The following SYNE3 variants were observed in gnomAD, a reference collection of about 807,000 sequenced individuals.
SYNE3 encodes nesprin-3.
SYNE3 carries 100 observed loss-of-function variants against 111.2 expected under a neutral mutation model. That is an observed-to-expected ratio of 0.90 (90% CI 0.77 to 1.06). The LOEUF (loss-of-function observed/expected upper bound fraction) is 1.06, where lower values mean the gene tolerates loss of function less well. Among genes scored for constraint, SYNE3 ranks in the 50% least tolerant of loss-of-function variants. The pLI is 0.00. For missense variants in SYNE3, 1,160 were observed against 1,240.3 expected, an observed-to-expected ratio of 0.94 and a Z score of 0.97; for synonymous variants, 547 against 533.9, an observed-to-expected ratio of 1.02 and a Z score of -0.34.
rs568141399 is a variant in SYNE3, at chr14:95,441,330, T to C, written c.1912-1255A>G. ...CTTCTCTGAGTTGTCCCTACCACTGTCCCCTCCTGGTCCCTGTGTGCCAAC... is the reference window on the plus strand; with the variant it reads ...CTTCTCTGAGTTGTCCCTACCACTGCCCCCTCCTGGTCCCTGTGTGCCAAC... On this transcript the variant is annotated intron_variant, in intron 11 of 17. Transcript: ENST00000682763. Among the ~76,000 whole-genome samples the C allele has an allele frequency of 4.0e-5, 6 of 151,772 alleles. No individual in the cohort carries two copies. In the South Asian group the frequency reaches 1.2e-3, roughly 31 times the overall value.
chr14:95,454,185 A>AG (rs1471854893), intron 6 of SYNE3, among the ~76,000 whole-genome samples: 1 of 152,238 alleles, frequency 6.6e-6, no homozygotes, highest in Non-Finnish European at 1.5e-5. Context: ...TTGCAGTCCC[A>AG]GGGGGGATGG....
intron 1 of SYNE3, among the ~76,000 whole-genome samples, chr14:95,486,361 C>T (rs73343123): frequency 0.042 from 6,337 of 152,098 alleles, 174 homozygotes; most frequent in East Asian, 0.099. Flanking sequence ...TCCCCCAGGC[C>T]ACCCCCCACC....
intron 8 of SYNE3, 31 bp from the exon 9 acceptor site, chr14:95,446,122 G>C: frequency 6.2e-7 from 1 of 1,610,940 alleles, no homozygotes; most frequent in Non-Finnish European, 8.5e-7. Context: ...GTGAACCACA[G>C]ACCGGGCAGG....
intron 3 of SYNE3, among the ~76,000 whole-genome samples, chr14:95,466,800 G>C (rs1194565383): frequency 6.6e-6 from 1 of 152,200 alleles, no homozygotes; most frequent in East Asian, 1.9e-4. Context: ...TGTCTCCCTG[G>C]GGGCTGGTGG....
intron 1 of SYNE3, among the ~76,000 whole-genome samples, chr14:95,479,662 G>A (rs907668201): frequency 6.6e-6 from 1 of 152,214 alleles, no homozygotes. Context: ...AGTGCAGTGG[G>A]GGTGGAGGGC....
At chr14:95,432,276 C>A (rs116482933) in intron 16 of SYNE3, among the ~76,000 whole-genome samples, 159 bp from the exon 17 acceptor site, 2 of 152,220 alleles carry the variant, frequency 1.3e-5, no homozygotes, top group African/African-American at 4.8e-5. Flanking sequence ...GCAGATGATT[C>A]GATTTAATGA....
chr14:95,444,505 C>T lies in SYNE3; in HGVS notation c.1756G>A (p.Ala586Thr), dbSNP rs755662883. The change falls in exon 10 of 18, where the codon GCC becomes ACC. Residue 586 changes from alanine (A) to threonine (T), a missense_variant. By Grantham distance (58) the Ala-to-Thr change is moderately conservative. Coordinates refer to ENST00000682763, the MANE Select transcript of SYNE3 (RefSeq NM_152592.6). ...CTCACCTGCAACCTTGAGAGCTGGG[C>T]CTGTTTTCCAGGAAGGTCCCGCTGA... ...GLQRDLPGKQ[A>T]QLSRLQGLQE... The T allele has an allele frequency of 9.9e-6, 16 of 1,612,164 alleles. No homozygotes were observed. The African/African-American group carries it at 1.7e-4, about 17-fold the overall frequency.
At chr14:95,437,156 G>A (rs1886133515) in intron 14 of SYNE3, among the ~76,000 whole-genome samples, 175 bp from the exon 15 acceptor site, 1 of 152,150 alleles carries the variant, frequency 6.6e-6, no homozygotes, top group Non-Finnish European at 1.5e-5. Context: ...CACATTTAAG[G>A]GCCAAGAACA....
chr14:95,491,497 G>T (rs1420777549), intron 1 of SYNE3, among the ~76,000 whole-genome samples: 2 of 152,060 alleles, frequency 1.3e-5, no homozygotes. Context: ...TTTCAACAGT[G>T]GTGATGGGAC....
In SYNE3 at chr14:95,417,536, A is replaced by G. The variant is rs759890798; in HGVS notation, c.*290T>C. ...ATTGCTAGGAATTTTCCCAACTCCA[A>G]ATAGAACTCGTATATGAAATTATAC... On this transcript the variant is annotated 3_prime_UTR_variant, in exon 18 of 18. Transcript: ENST00000682763. 20 of 426,518 alleles carry G rather than the reference A, an allele frequency of 4.7e-5. No homozygotes were observed. The highest frequency in any genetic ancestry group is 8.2e-5 in the Non-Finnish European group (19 of 232,250). The allele number at this position is 426,518 out of a possible 1,614,324, so 26.4% of individuals were successfully genotyped here. A position where few individuals can be genotyped will look rare whatever the true frequency, so the allele number is the denominator to read the frequency against.
rs972479074 is a variant in SYNE3 at position 95,495,854 on chromosome 14, C to T, written c.-14-20019G>A. 7.2e-5 allele frequency among the ~76,000 whole-genome samples: 11 copies of T among 152,318 alleles called. 1 individual carries two copies. Among genetic ancestry groups the T allele is most frequent in the South Asian group, 4.1e-4 (2 of 4,828 alleles). ...CAGTGGCTCATGCTGGACTGTCCCCCGTGAACAGTCCTAAGCCTGGGACAA... is the reference window on the plus strand; with the variant it reads ...CAGTGGCTCATGCTGGACTGTCCCCTGTGAACAGTCCTAAGCCTGGGACAA... On this transcript the variant is annotated intron_variant, in intron 1 of 17. Coordinates refer to ENST00000682763, the MANE Select transcript of SYNE3 (RefSeq NM_152592.6).
chr14:95,493,204 A>T (rs1443657747), intron 1 of SYNE3, among the ~76,000 whole-genome samples: 1 of 152,134 alleles, frequency 6.6e-6, no homozygotes, highest in Non-Finnish European at 1.5e-5. Context: ...GCTGCTTGAG[A>T]CCTTTTTTTC....
At chr14:95,494,107 C>G (rs1566686802) in intron 1 of SYNE3, among the ~76,000 whole-genome samples, 1 of 150,800 alleles carries the variant, frequency 6.6e-6, no homozygotes, top group South Asian at 2.1e-4. Context: ...TTGAAGCCAG[C>G]CTGGGCAACA....
chr14:95,420,295 A>G (rs956889732), intron 17 of SYNE3, among the ~76,000 whole-genome samples: 1 of 152,098 alleles, frequency 6.6e-6, no homozygotes, highest in African/African-American at 2.4e-5. Flanking sequence ...GTGGGGCCAA[A>G]TCTCTGACCC....
chr14:95,425,301 C>A (rs1433011732), intron 17 of SYNE3, among the ~76,000 whole-genome samples: 1 of 151,898 alleles, frequency 6.6e-6, no homozygotes, highest in Admixed American at 6.6e-5. Flanking sequence ...CACAAAGACA[C>A]TGAGGAACCT....
intron 4 of SYNE3, among the ~76,000 whole-genome samples, chr14:95,462,456 T>C (rs370638424): frequency 7.4e-4 from 112 of 152,300 alleles, no homozygotes; most frequent in African/African-American, 2.5e-3. Flanking sequence ...CAGCGCCCCA[T>C]TTCCACATTG....
chr14:95,454,569 A>G (rs1258357362), intron 6 of SYNE3, among the ~76,000 whole-genome samples: 1 of 152,268 alleles, frequency 6.6e-6, no homozygotes, highest in Non-Finnish European at 1.5e-5. Flanking sequence ...CTTTGGAGGA[A>G]GGTGATAACT....
Position 95,414,579 on chromosome 14 carries a change from A to G in SYNE3, c.*3247T>C, listed in dbSNP as rs1226195230. The G allele has an allele frequency of 6.6e-6, 1 of 152,000 alleles. No homozygotes were observed. The highest frequency in any genetic ancestry group is 6.6e-5 in the Admixed American group (1 of 15,256). The allele number at this position is 152,000 out of a possible 1,614,324, so 9.4% of individuals were successfully genotyped here. On this transcript the variant is annotated 3_prime_UTR_variant, in exon 18 of 18. Coordinates refer to ENST00000682763, the MANE Select transcript of SYNE3 (RefSeq NM_152592.6). ...CCTTTCCACATGCAGAGAACGGGCT[A>G]AGAAAGAAAGGGGTGGGAGGGACAG...
At chr14:95,418,755 A>G (rs1039961913) in intron 17 of SYNE3, among the ~76,000 whole-genome samples, 1 of 152,092 alleles carries the variant, frequency 6.6e-6, no homozygotes, top group Admixed American at 6.5e-5. Context: ...GGCACCTGCC[A>G]CCATGCCCAG....
Sources: allele counts gnomAD v4.1 joint callset (sites outside exome capture counted in the v4.1 genomes callset), GRCh38; gene constraint gnomAD v4.1.1; transcripts MANE v1.5; gene names NCBI Gene and HGNC (gene_info 2026-07-23, HGNC 2026-07-21).